The following FEM1B variants were observed in gnomAD, a reference collection of about 807,000 sequenced individuals.
FEM1B encodes fem-1 homolog B, also known as protein fem-1 homolog B.
FEM1B carries 10 observed loss-of-function variants against 38.6 expected under a neutral mutation model. That is an observed-to-expected ratio of 0.26 (90% CI 0.16 to 0.44). FEM1B has a LOEUF of 0.44. FEM1B is among the 20% of genes least tolerant of loss of function. The pLI is 1.00. For missense variants in FEM1B, 471 were observed against 786.7 expected (o/e 0.60, Z 4.80); for synonymous variants, 288 against 288.0 (o/e 1.00, Z 0.00).
At chr15:68,286,273 T>C (rs556528623) in intron 1 of FEM1B, among the ~76,000 whole-genome samples, 1 of 152,190 alleles carries the variant, frequency 6.6e-6, no homozygotes, top group East Asian at 1.9e-4. Context: ...CCAGCACTTA[T>C]TTTAATTACT....
Position 68,294,737 on chromosome 15 carries a change from G to A in FEM1B, c.*3495G>A, listed in dbSNP as rs977175668. 3 of 152,038 alleles carry A rather than the reference G, an allele frequency of 2.0e-5. No individual in the cohort carries two copies. Among genetic ancestry groups the A allele is most frequent in the Non-Finnish European group, 4.4e-5 (3 of 68,008 alleles). The allele number at this position is 152,038 out of a possible 1,614,324, so 9.4% of individuals were successfully genotyped here. On this transcript the variant is annotated 3_prime_UTR_variant, in exon 2 of 2. Coordinates refer to ENST00000306917, the MANE Select transcript of FEM1B (RefSeq NM_015322.5). This position sits in a 1 kb window ranked among gnomAD's most constrained non-coding sequence, Gnocchi z 4.4. Reference sequence around the variant, plus strand: ...GTTTTTTATGATAGATTTTCTGTAAGAATCTTAAATGTTCCTTTTCAAATT... The same window carrying A: ...GTTTTTTATGATAGATTTTCTGTAAAAATCTTAAATGTTCCTTTTCAAATT...
At chr15:68,287,807 C>T (rs1355777397) in intron 1 of FEM1B, among the ~76,000 whole-genome samples, 1 of 151,132 alleles carries the variant, frequency 6.6e-6, no homozygotes, top group Non-Finnish European at 1.5e-5. Flanking sequence ...AAAAGGCAAG[C>T]CAGCGGAACG....
rs183127866 is a variant in FEM1B at position 68,295,289 on chromosome 15, T to A, written c.*4047T>A. 126 of 152,280 alleles carry A rather than the reference T, an allele frequency of 8.3e-4. 1 individual carries two copies. The highest frequency in any genetic ancestry group is 2.9e-3 in the African/African-American group (122 of 41,550). 9.4% of individuals were successfully genotyped at this position (152,280 alleles called of 1,614,324 possible). On this transcript the variant is annotated 3_prime_UTR_variant, in exon 2 of 2. Transcript: ENST00000306917. ...GTGAGTCATGTGATGAATGGCCTAA[T>A]CAGAAAAGTGAAGGAGCGAAGATGC... is the stretch of plus-strand genomic sequence containing the variant.
chr15:68,287,346 T>C (rs1291729893), intron 1 of FEM1B, among the ~76,000 whole-genome samples: 2 of 152,228 alleles, frequency 1.3e-5, no homozygotes, highest in East Asian at 3.8e-4. Context: ...GTGAGTTTTT[T>C]CCCTAAATAT....
Position 68,290,986 on chromosome 15 carries a change from A to G in FEM1B, c.1628A>G (p.Asn543Ser), listed in dbSNP as rs746907604. Reference protein sequence around the residue: ...NSALHIIVQYNRPISDFLTLH... With the variant: ...NSALHIIVQYSRPISDFLTLH... The stretch of plus-strand genomic sequence containing the variant: ...GCCCTTCATATTATCGTTCAGTACA[A>G]CAGGCCCATCAGTGATTTTTTGACC... The change falls in exon 2 of 2, where the codon AAC (asparagine) becomes AGC (serine). Residue 543 changes from asparagine (N) to serine (S), a missense_variant. Around this residue, in one of 3 missense-constraint regions of FEM1B, gnomAD observed 380 missense variants for 599.6 expected, o/e 0.63. Transcript: ENST00000306917. The surrounding 1 kb of genome is among the most constrained non-coding windows in gnomAD (Gnocchi z 9.7). 6.2e-7 allele frequency: 1 copy of G among 1,614,176 alleles called. No individual in the cohort carries two copies. The highest frequency in any genetic ancestry group is 8.5e-7 in the Non-Finnish European group (1 of 1,179,996).
chr15:68,279,436 TG>T (rs891239481), intron 1 of FEM1B, among the ~76,000 whole-genome samples: 1 of 152,216 alleles, frequency 6.6e-6, no homozygotes, highest in Non-Finnish European at 1.5e-5. Flanking sequence ...TACGAATTTT[TG>T]GGTATTTGAC....
chr15:68,278,720 G>A lies in FEM1B; in HGVS notation c.248+55G>A. 1.9e-6 allele frequency: 3 copies of A among 1,603,962 alleles called. No individual in the cohort carries two copies. In the South Asian group the frequency reaches 3.3e-5, roughly 18 times the overall value. On this transcript the variant is annotated intron_variant, in intron 1 of 1. Transcript: ENST00000306917. The surrounding 1 kb of genome is among the most constrained non-coding windows in gnomAD (Gnocchi z 5.7). ...GACGCGCGCGGACTCGTTAATTCAC[G>A]GGCCCTCCCCTCCCTCACCCTCTCT...
In FEM1B at chr15:68,289,040, T is replaced by C. The variant is rs1892819188; in HGVS notation, c.249-567T>C. Among the ~76,000 whole-genome samples the C allele has an allele frequency of 1.3e-5, 2 of 152,218 alleles. No individual in the cohort carries two copies. Among genetic ancestry groups the C allele is most frequent in the Admixed American group, 1.3e-4 (2 of 15,288 alleles). ...TCTTTTCTCAGCATCAGGTTTATGTTATCTGTTCATATTGTGTGTGGAGCA... is the reference window on the plus strand; with the variant it reads ...TCTTTTCTCAGCATCAGGTTTATGTCATCTGTTCATATTGTGTGTGGAGCA... On this transcript the variant is annotated intron_variant, in intron 1 of 1. Transcript: ENST00000306917. The surrounding 1 kb of genome is among the most constrained non-coding windows in gnomAD (Gnocchi z 6.9).
At chr15:68,287,410 C>T (rs1402993063) in intron 1 of FEM1B, among the ~76,000 whole-genome samples, 1 of 152,146 alleles carries the variant, frequency 6.6e-6, no homozygotes. Flanking sequence ...ACCTTCAAGT[C>T]TCTTCCCAGC....
In FEM1B at chr15:68,287,817, G is replaced by A. The variant is rs140609546; in HGVS notation, c.249-1790G>A. On this transcript the variant is annotated intron_variant, in intron 1 of 1. Coordinates refer to ENST00000306917, the MANE Select transcript of FEM1B (RefSeq NM_015322.5). The stretch of plus-strand genomic sequence containing the variant: ...AGGTGAAAAGGCAAGCCAGCGGAAC[G>A]TTGCTAACGTCTCTTTTTTTTTTTT... Among the ~76,000 whole-genome samples the A allele has an allele frequency of 6.3e-4, 95 of 149,714 alleles. 1 individual carries two copies. The East Asian group carries it at 0.013, about 21-fold the overall frequency.
At position 68,290,842 on chromosome 15, in the gene FEM1B, A is replaced by G. The variant is rs903418199; in HGVS notation, c.1484A>G (p.Asn495Ser). Residue 495 changes from asparagine to serine, a missense_variant, in exon 2 of 2, where the codon AAT becomes AGT. Physicochemically the swap from Asn to Ser is conservative, Grantham distance 46 (BLOSUM62 1). Around this residue, in one of 3 missense-constraint regions of FEM1B, gnomAD observed 380 missense variants for 599.6 expected, o/e 0.63. Transcript: ENST00000306917. This position sits in a 1 kb window ranked among gnomAD's most constrained non-coding sequence, Gnocchi z 9.7. Reference protein sequence around the residue: ...FTLLHLAVNSNTPVDDFHTND... With the variant: ...FTLLHLAVNSSTPVDDFHTND... ...TTGCTGCATCTGGCTGTCAATTCCA[A>G]TACTCCAGTTGATGATTTCCACACC... 3.7e-6 allele frequency: 6 copies of G among 1,613,958 alleles called. No individual in the cohort carries two copies. The highest frequency in any genetic ancestry group is 3.3e-5 in the South Asian group (3 of 91,068).
Position 68,278,803 on chromosome 15 carries a change from C to G in FEM1B, c.248+138C>G, listed in dbSNP as rs1329554012. On this transcript the variant is annotated intron_variant, in intron 1 of 1. Coordinates refer to ENST00000306917, the MANE Select transcript of FEM1B (RefSeq NM_015322.5). The surrounding 1 kb of genome is among the most constrained non-coding windows in gnomAD (Gnocchi z 5.7). The stretch of plus-strand genomic sequence containing the variant: ...CCTTTTTGTACCACCTCCTGCCCCA[C>G]TAATGCCCACTTCATCTTCCAGGGC... The G allele has an allele frequency of 1.1e-5, 10 of 931,106 alleles. No individual in the cohort carries two copies. Among genetic ancestry groups the G allele is most frequent in the African/African-American group, 3.3e-5 (2 of 60,914 alleles). 57.7% of individuals were successfully genotyped at this position (931,106 alleles called of 1,614,324 possible).
rs893584935 is a variant in FEM1B, at chr15:68,281,740, C to T, written c.248+3075C>T. 2.0e-5 allele frequency among the ~76,000 whole-genome samples: 3 copies of T among 152,142 alleles called. No homozygotes were observed. The highest frequency in any genetic ancestry group is 7.2e-5 in the African/African-American group (3 of 41,428). ...TCATGCCATTCTCCTGCCTCAGCCT[C>T]CCGAGTAGCTGGGACTACAGGTGCC... On this transcript the variant is annotated intron_variant, in intron 1 of 1. Coordinates refer to ENST00000306917, the MANE Select transcript of FEM1B (RefSeq NM_015322.5). The surrounding 1 kb of genome is among the most constrained non-coding windows in gnomAD (Gnocchi z 5.1).
chr15:68,282,199 G>T (rs1892736181), intron 1 of FEM1B, among the ~76,000 whole-genome samples: 1 of 152,110 alleles, frequency 6.6e-6, no homozygotes, highest in South Asian at 2.1e-4. Flanking sequence ...CCTTGAAGGG[G>T]TTTGCTGATG....
In FEM1B at chr15:68,290,623, T is replaced by A. The variant is rs376986851; in HGVS notation, c.1265T>A (p.Met422Lys). The change falls in exon 2 of 2, where the codon ATG (methionine) becomes AAG (lysine). Residue 422 changes from methionine (M) to lysine (K), a missense_variant. Physicochemically the swap from Met to Lys is moderately conservative, Grantham distance 95 (BLOSUM62 -1). This residue lies in a region of FEM1B where 380 missense variants were observed against 599.6 expected (regional missense o/e 0.63). Coordinates refer to ENST00000306917, the MANE Select transcript of FEM1B (RefSeq NM_015322.5). This position sits in a 1 kb window ranked among gnomAD's most constrained non-coding sequence, Gnocchi z 9.7. ...RCSVLEIEQS[M>K]NRVKNISDAD... is the part of the protein sequence containing the mutation. ...AGTGTTTTGGAAATAGAACAAAGTA[T>A]GAACAGAGTGAAAAATATTTCAGAT... The A allele has an allele frequency of 5.0e-6, 8 of 1,614,088 alleles. No individual in the cohort carries two copies. Among genetic ancestry groups the A allele is most frequent in the Non-Finnish European group, 5.9e-6 (7 of 1,180,018 alleles).
chr15:68,278,247 G>T lies in FEM1B; in HGVS notation c.-171G>T. The T allele has an allele frequency of 1.1e-6, 1 of 882,688 alleles. No individual in the cohort carries two copies. Among genetic ancestry groups the T allele is most frequent in the Non-Finnish European group, 1.7e-6 (1 of 600,150 alleles). 54.7% of individuals were successfully genotyped at this position (882,688 alleles called of 1,614,324 possible). ...CCCTTCGCGGCACTCGGCCTCCTCT[G>T]CGTCTCCGCCTTCCCTGGGCCGCAC... On this transcript the variant is annotated 5_prime_UTR_variant, in exon 1 of 2. Transcript: ENST00000306917. The surrounding 1 kb of genome is among the most constrained non-coding windows in gnomAD (Gnocchi z 5.7).
In FEM1B at chr15:68,284,304, A is replaced by G. The variant is rs1372739717; in HGVS notation, c.249-5303A>G. 6.6e-6 allele frequency among the ~76,000 whole-genome samples: 1 copy of G among 152,178 alleles called. No individual in the cohort carries two copies. The highest frequency in any genetic ancestry group is 1.5e-5 in the Non-Finnish European group (1 of 68,024). ...ACAGGATTATTGTGAAGATTAAGTG[A>G]GATATTTTGCATATTCAGCAGTGAA... On this transcript the variant is annotated intron_variant, in intron 1 of 1. Transcript: ENST00000306917. The surrounding 1 kb of genome is among the most constrained non-coding windows in gnomAD (Gnocchi z 4.4).
rs547347539 is a variant in FEM1B at position 68,294,586 on chromosome 15, G to A, written c.*3344G>A. On this transcript the variant is annotated 3_prime_UTR_variant, in exon 2 of 2. Coordinates refer to ENST00000306917, the MANE Select transcript of FEM1B (RefSeq NM_015322.5). This position sits in a 1 kb window ranked among gnomAD's most constrained non-coding sequence, Gnocchi z 4.4. Reference sequence around the variant, plus strand: ...CACTTTGGGTTATTTAAGCAGAAGCGTTTCTTTTTTTTTTTTGGAATGGGG... The same window carrying A: ...CACTTTGGGTTATTTAAGCAGAAGCATTTCTTTTTTTTTTTTGGAATGGGG... 5 of 150,926 alleles carry A rather than the reference G, an allele frequency of 3.3e-5. No homozygotes were observed. Among genetic ancestry groups the A allele is most frequent in the East Asian group, 1.9e-4 (1 of 5,158 alleles). 9.3% of individuals were successfully genotyped at this position (150,926 alleles called of 1,614,324 possible).
At position 68,288,170 on chromosome 15, in the gene FEM1B, G is replaced by A. The variant is rs1567113954; in HGVS notation, c.249-1437G>A. Among the ~76,000 whole-genome samples, 1 of 152,200 alleles carries A rather than the reference G, an allele frequency of 6.6e-6. No individual in the cohort carries two copies. The highest frequency in any genetic ancestry group is 2.4e-5 in the African/African-American group (1 of 41,456). ...GTGGTCCTTAATTTCATTCACAAGTGGAGGAGCCCTCATGACCTAATCACC... is the reference window on the plus strand; with the variant it reads ...GTGGTCCTTAATTTCATTCACAAGTAGAGGAGCCCTCATGACCTAATCACC... On this transcript the variant is annotated intron_variant, in intron 1 of 1. Coordinates refer to ENST00000306917, the MANE Select transcript of FEM1B (RefSeq NM_015322.5). This position sits in a 1 kb window ranked among gnomAD's most constrained non-coding sequence, Gnocchi z 4.6.
Sources: gnomAD v4.1 joint callset for allele counts (sites outside exome capture counted in the v4.1 genomes callset) on GRCh38, gnomAD v4.1.1 for gene constraint, gnomAD v4.1.1 regional missense constraint, Gnocchi (gnomAD v3.1) non-coding constraint, MANE v1.5 for transcripts, NCBI Gene and HGNC (gene_info 2026-07-23, HGNC 2026-07-21) for gene names.